Variants in ASXL2 observed in about 807,000 individuals in gnomAD.
The protein encoded by ASXL2 is putative Polycomb group protein ASXL2.
Under a neutral mutation model 122.0 loss-of-function variants are expected in ASXL2, and 23 were observed. That is an observed-to-expected ratio of 0.19 (90% CI 0.14 to 0.27). The LOEUF (loss-of-function observed/expected upper bound fraction) is 0.27, where lower values mean the gene tolerates loss of function less well. Among genes scored for constraint, ASXL2 ranks in the 10% least tolerant of loss-of-function variants. ASXL2 has a pLI of 1.00. For missense variants in ASXL2, 1,518 were observed against 1,713.8 expected, an observed-to-expected ratio of 0.89 and a Z score of 2.02; for synonymous variants, 650 against 637.0, an observed-to-expected ratio of 1.02 and a Z score of -0.31.
At chr2:25,851,809 T>A (rs1409817925) in intron 1 of ASXL2, among the ~76,000 whole-genome samples, 1 of 152,070 alleles carries the variant, frequency 6.6e-6, no homozygotes, top group East Asian at 1.9e-4. Context: ...GAGAACCGCT[T>A]GAGCCTGGGA....
intron 2 of ASXL2, chr2:25,845,162 A>T: frequency 6.7e-6 from 2 of 299,692 alleles, no homozygotes; most frequent in African/African-American, 2.2e-5. Flanking sequence ...TTTTATCACT[A>T]ATGACCAAGT....
chr2:25,744,060 G>T lies in ASXL2; in HGVS notation c.2277C>A (p.Thr759=), dbSNP rs571030013. The T allele has an allele frequency of 2.5e-6, 4 of 1,614,012 alleles. No homozygotes were observed. The highest frequency in any genetic ancestry group is 3.3e-5 in the Admixed American group (2 of 60,024). Residue 759 remains threonine, a synonymous_variant, in exon 13 of 13, where the codon ACC becomes ACA. Coordinates refer to ENST00000435504, the MANE Select transcript of ASXL2 (RefSeq NM_018263.6). This position sits in a 1 kb window ranked among gnomAD's most constrained non-coding sequence, Gnocchi z 4.7. The part of the protein sequence containing the change: ...ETQPQSETKT[T]PSQAQPHSVS... The stretch of plus-strand genomic sequence containing the variant: ...CACTATGAGGCTGTGCCTGGCTTGG[G>T]GTGGTCTTGGTCTCAGACTGGGGCT...
chr2:25,867,939 G>A (rs2089923084), intron 1 of ASXL2, among the ~76,000 whole-genome samples: 1 of 152,128 alleles, frequency 6.6e-6, no homozygotes, highest in South Asian at 2.1e-4. Context: ...CCAAATTTTA[G>A]TATTACTATT....
intron 4 of ASXL2, among the ~76,000 whole-genome samples, chr2:25,801,003 T>C (rs1042873402): frequency 6.6e-6 from 1 of 152,220 alleles, no homozygotes; most frequent in Non-Finnish European, 1.5e-5. Flanking sequence ...CACAGCTCAC[T>C]GTAGCCTCGA....
intron 3 of ASXL2, chr2:25,822,692 T>G: frequency 1.4e-6 from 1 of 711,034 alleles, no homozygotes; most frequent in Non-Finnish European, 2.5e-6. Context: ...CAATTGTATG[T>G]TGTTTACGAA....
chr2:25,791,416 T>C (rs1306685835), intron 5 of ASXL2, among the ~76,000 whole-genome samples: 1 of 148,884 alleles, frequency 6.7e-6, no homozygotes, highest in Non-Finnish European at 1.5e-5. Flanking sequence ...GAACCCACGA[T>C]GGGGAGGTTG....
chr2:25,850,789 G>A (rs1369279419), intron 1 of ASXL2, among the ~76,000 whole-genome samples: 1 of 152,102 alleles, frequency 6.6e-6, no homozygotes, highest in African/African-American at 2.4e-5. Context: ...ATAAGCCAGA[G>A]TCCTTCTAAA....
intron 5 of ASXL2, among the ~76,000 whole-genome samples, chr2:25,783,897 TA>T (rs1421525213): frequency 4.0e-5 from 6 of 151,694 alleles, no homozygotes; most frequent in African/African-American, 1.5e-4. Context: ...CTACTACAAA[TA>T]CAAAAATTAG....
chr2:25,805,485 A>G (rs1268044632), intron 4 of ASXL2, among the ~76,000 whole-genome samples: 1 of 151,986 alleles, frequency 6.6e-6, no homozygotes, highest in Non-Finnish European at 1.5e-5. Context: ...TTTTGTACTT[A>G]TCTAACAAAA....
chr2:25,839,614 C>CTTTT (rs35346359), intron 2 of ASXL2, among the ~76,000 whole-genome samples: 3 of 106,946 alleles, frequency 2.8e-5, no homozygotes, highest in Admixed American at 1.1e-4. Context: ...GAAATTCTAT[C>CTTTT]TTTTTTTTTT....
intron 12 of ASXL2, among the ~76,000 whole-genome samples, chr2:25,749,341 T>G (rs970205180): frequency 6.8e-4 from 104 of 152,318 alleles, no homozygotes; most frequent in African/African-American, 2.5e-3. Context: ...GCTGTCAATG[T>G]TCTACAGAGG....
At chr2:25,802,054 A>T (rs141975000) in intron 4 of ASXL2, among the ~76,000 whole-genome samples, 239 of 152,316 alleles carry the variant, frequency 1.6e-3, no homozygotes, top group African/African-American at 5.5e-3. Flanking sequence ...TAATCACTCC[A>T]ATTTACTCTA....
At chr2:25,773,924 G>C (rs2088503760) in intron 5 of ASXL2, among the ~76,000 whole-genome samples, 1 of 151,888 alleles carries the variant, frequency 6.6e-6, no homozygotes, top group Non-Finnish European at 1.5e-5. Context: ...CAGCTACTCA[G>C]GAGGCTGAGG....
intron 5 of ASXL2, among the ~76,000 whole-genome samples, chr2:25,783,620 G>T (rs2088683253): frequency 6.6e-6 from 1 of 151,698 alleles, no homozygotes; most frequent in Non-Finnish European, 1.5e-5. Context: ...TTGACAGGAG[G>T]TATTCAGTAT....
intron 1 of ASXL2, among the ~76,000 whole-genome samples, chr2:25,877,577 C>A (rs1048201737): frequency 6.6e-6 from 1 of 152,146 alleles, no homozygotes; most frequent in African/African-American, 2.4e-5. Context: ...CTACAAGTCC[C>A]ACCTGTTACT....
intron 1 of ASXL2, among the ~76,000 whole-genome samples, chr2:25,873,147 G>C (rs78212002): frequency 0.012 from 1,775 of 150,016 alleles, 41 homozygotes; most frequent in African/African-American, 0.041. Flanking sequence ...TTATTCCTTT[G>C]CATCCTCATA....
intron 11 of ASXL2, among the ~76,000 whole-genome samples, chr2:25,751,000 T>C (rs982553171): frequency 1.3e-5 from 2 of 152,214 alleles, no homozygotes; most frequent in African/African-American, 4.8e-5. Context: ...GGAAAGCCCA[T>C]TTAAATCCCA....
chr2:25,803,729 G>A (rs13030095), intron 4 of ASXL2, among the ~76,000 whole-genome samples: 37,138 of 152,070 alleles, frequency 0.24, 4,782 homozygotes, highest in Non-Finnish European at 0.29. Context: ...AATAGAGTAC[G>A]CACTCCTACA....
chr2:25,830,929 A>G (rs1457166800), intron 3 of ASXL2: 1 of 152,234 alleles, frequency 6.6e-6, no homozygotes, highest in Non-Finnish European at 1.5e-5. Context: ...AAAAATTAAC[A>G]GAATCTCAAG....
Sources: gnomAD v4.1 joint callset for allele counts (sites outside exome capture counted in the v4.1 genomes callset) on GRCh38, gnomAD v4.1.1 for gene constraint, Gnocchi (gnomAD v3.1) non-coding constraint, MANE v1.5 for transcripts, NCBI Gene and HGNC (gene_info 2026-07-23, HGNC 2026-07-21) for gene names.